TRPM3: variants seen among roughly 807,000 people sequenced by gnomAD.
TRPM3 encodes transient receptor potential cation channel subfamily M member 3.
TRPM3 carries 77 observed loss-of-function variants against 181.2 expected under a neutral mutation model. The observed-to-expected ratio is 0.42, with a 90% CI of 0.35 to 0.51. The LOEUF is 0.51. TRPM3 is among the 20% of genes least tolerant of loss of function. The probability of loss-of-function intolerance (pLI) is 0.01; values close to 1 mark genes in which losing one functional copy is unlikely to be tolerated. For synonymous variants in TRPM3, 745 were observed against 796.4 expected, an observed-to-expected ratio of 0.94 and a Z score of 1.09; for missense variants, 1,759 against 2,196.7, an observed-to-expected ratio of 0.80 and a Z score of 3.98.
intron 1 of TRPM3, among the ~76,000 whole-genome samples, chr9:71,333,003 C>T (rs1484905934): frequency 6.6e-6 from 1 of 151,858 alleles, no homozygotes; most frequent in Non-Finnish European, 1.5e-5. Context: ...TGCTTATATT[C>T]AATCTGGTCT....
At chr9:70,932,736 A>G (rs1432190681) in intron 1 of TRPM3, among the ~76,000 whole-genome samples, 3 of 152,160 alleles carry the variant, frequency 2.0e-5, no homozygotes, top group Non-Finnish European at 2.9e-5. Flanking sequence ...AAAGCCAGAA[A>G]TGCAGACCCA....
intron 1 of TRPM3, among the ~76,000 whole-genome samples, chr9:71,030,866 C>T (rs368574777): frequency 2.0e-5 from 3 of 152,190 alleles, no homozygotes; most frequent in East Asian, 3.9e-4. Flanking sequence ...TTAATTCTTG[C>T]ATTTATTATG....
chr9:70,692,630 G>A (rs925434459), intron 8 of TRPM3, among the ~76,000 whole-genome samples: 5 of 152,184 alleles, frequency 3.3e-5, no homozygotes, highest in East Asian at 3.8e-4. Flanking sequence ...GGAGCCATGC[G>A]CAGAATCAGC....
intron 1 of TRPM3, among the ~76,000 whole-genome samples, chr9:71,356,027 C>G (rs115450834): frequency 6.6e-6 from 1 of 152,080 alleles, no homozygotes; most frequent in Non-Finnish European, 1.5e-5. Flanking sequence ...GGCTTCAATG[C>G]GTTCTCATTC....
chr9:71,187,769 A>G (rs1184941502), intron 1 of TRPM3, among the ~76,000 whole-genome samples: 1 of 151,938 alleles, frequency 6.6e-6, no homozygotes, highest in Non-Finnish European at 1.5e-5. Context: ...TTCTTCAGAC[A>G]TATTCCAAGA....
At chr9:71,434,609 G>A (rs1363706605) in intron 1 of TRPM3, among the ~76,000 whole-genome samples, 3 of 152,110 alleles carry the variant, frequency 2.0e-5, no homozygotes, top group South Asian at 2.1e-4. Flanking sequence ...ATTGTTCAAG[G>A]CCCAATGTGG....
intron 1 of TRPM3, among the ~76,000 whole-genome samples, chr9:70,890,806 A>T (rs2096187807): frequency 6.6e-6 from 1 of 152,136 alleles, no homozygotes; most frequent in Non-Finnish European, 1.5e-5. Flanking sequence ...ATCTAAAAAC[A>T]GGGAACCAAG....
chr9:71,355,167 A>T (rs1322360333), intron 1 of TRPM3, among the ~76,000 whole-genome samples: 3 of 152,210 alleles, frequency 2.0e-5, no homozygotes, highest in Non-Finnish European at 4.4e-5. Flanking sequence ...GGTTCCTGTT[A>T]TACATTGAAT....
chr9:70,917,327 G>A (rs1286546322), intron 1 of TRPM3: 1 of 1,229,264 alleles, frequency 8.1e-7, no homozygotes, highest in East Asian at 2.3e-5. Flanking sequence ...ATGAAATATT[G>A]CTCCAGAATA....
At chr9:70,697,742 G>C (rs368346576) in intron 8 of TRPM3, among the ~76,000 whole-genome samples, 1 of 152,142 alleles carries the variant, frequency 6.6e-6, no homozygotes, top group African/African-American at 2.4e-5. Context: ...GTTTCAAGAA[G>C]AGTAATTATC....
At chr9:70,808,252 C>A (rs370413495) in intron 6 of TRPM3, among the ~76,000 whole-genome samples, 1 of 152,224 alleles carries the variant, frequency 6.6e-6, no homozygotes, top group South Asian at 2.1e-4. Flanking sequence ...ATTGGCAACC[C>A]AAATCTTTCT....
At chr9:70,663,264 T>C (rs1422318625) in intron 9 of TRPM3, among the ~76,000 whole-genome samples, 1 of 152,072 alleles carries the variant, frequency 6.6e-6, no homozygotes. Flanking sequence ...GGGTGAGGGA[T>C]AAAAGACTAC....
intron 1 of TRPM3, among the ~76,000 whole-genome samples, chr9:70,910,966 C>G (rs1340908658): frequency 2.0e-5 from 3 of 152,132 alleles, no homozygotes; most frequent in Admixed American, 1.3e-4. Flanking sequence ...CAGCAGCTCT[C>G]TATCAAAGTG....
intron 1 of TRPM3, among the ~76,000 whole-genome samples, chr9:70,900,317 G>T (rs1185947014): frequency 1.3e-5 from 2 of 151,954 alleles, no homozygotes; most frequent in Non-Finnish European, 1.5e-5. Flanking sequence ...CTTCAGCATG[G>T]GTGACAGAGT....
chr9:71,096,622 T>TCTCTCTCTCTCTCTCTCTCTCTCC (rs2067315839), intron 1 of TRPM3, among the ~76,000 whole-genome samples: 1 of 144,738 alleles, frequency 6.9e-6, no homozygotes, highest in African/African-American at 2.5e-5. Flanking sequence ...TCTCTCTCTC[T>TCTCTCTCTCTCTCTCTCTCTCTCC]CTCCCCCTCT....
intron 25 of TRPM3, among the ~76,000 whole-genome samples, chr9:70,545,382 C>T (rs1488802205): frequency 6.6e-6 from 1 of 152,020 alleles, no homozygotes; most frequent in Non-Finnish European, 1.5e-5. Context: ...AAAGTGCATA[C>T]TGAGAAAGTG....
intron 25 of TRPM3, among the ~76,000 whole-genome samples, chr9:70,548,238 C>T (rs1439556350): frequency 2.6e-5 from 4 of 152,192 alleles, no homozygotes; most frequent in African/African-American, 4.8e-5. Context: ...TTAGTTTCTT[C>T]TTCTGTTTGC....
intron 1 of TRPM3, among the ~76,000 whole-genome samples, chr9:71,061,262 G>A (rs1428590561): frequency 1.3e-5 from 2 of 152,094 alleles, no homozygotes; most frequent in Non-Finnish European, 2.9e-5. Context: ...CTACCATGGG[G>A]AATATGTAAT....
At chr9:71,392,306 AAAAGG>A (rs1179310742) in intron 1 of TRPM3, among the ~76,000 whole-genome samples, 1 of 152,148 alleles carries the variant, frequency 6.6e-6, no homozygotes, top group Admixed American at 6.6e-5. Flanking sequence ...GCAGAAAAGT[AAAAGG>A]AAAGGATAAA....
Sources: allele counts gnomAD v4.1 joint callset (sites outside exome capture counted in the v4.1 genomes callset), GRCh38; gene constraint gnomAD v4.1.1; transcripts MANE v1.5; gene names NCBI Gene and HGNC (gene_info 2026-07-23, HGNC 2026-07-21).